The following AWAT2 variants were observed in gnomAD, a reference collection of about 807,000 sequenced individuals.
AWAT2 encodes the protein acyl-CoA wax alcohol acyltransferase 2.
A neutral mutation model predicts 22.3 loss-of-function variants in AWAT2; 9 were observed. The observed-to-expected ratio is 0.40, with a 90% CI of 0.24 to 0.70. The LOEUF is 0.70. Among genes scored for constraint, AWAT2 ranks in the 30% least tolerant of loss-of-function variants. The pLI is 0.36. For missense variants in AWAT2, 217 were observed against 265.9 expected (o/e 0.82, Z 1.28); for synonymous variants, 100 against 93.4 (o/e 1.07, Z -0.40).
intron 2 of AWAT2, 104 bp downstream of exon 2, chrX:70,044,248 G>T: frequency 1.8e-6 from 2 of 1,140,779 alleles, no homozygotes; most frequent in Non-Finnish European, 2.3e-6. Context: ...GGAGGGACAG[G>T]CTAAAGGGCT....
intron 4 of AWAT2, 27 bp downstream of exon 4, chrX:70,043,451 G>A: frequency 8.5e-7 from 1 of 1,174,754 alleles, no homozygotes; most frequent in Non-Finnish European, 1.1e-6. Context: ...TTTTTTCTTT[G>A]GCTTTGTGTC....
intron 1 of AWAT2, among the ~76,000 whole-genome samples, chrX:70,044,853 C>T (rs1182338805): frequency 8.9e-6 from 1 of 112,649 alleles, no homozygotes; most frequent in Non-Finnish European, 1.9e-5. Flanking sequence ...ACGTCCTCCT[C>T]TCCAAATCTT....
chrX:70,042,063 C>T, intron 6 of AWAT2, 101 bp from the exon 7 acceptor site: 1 of 1,095,707 alleles, frequency 9.1e-7, no homozygotes, highest in Non-Finnish European at 1.2e-6. Context: ...CCATCCTCAC[C>T]TCAAAAAGCT....
intron 1 of AWAT2, among the ~76,000 whole-genome samples, chrX:70,048,179 A>G (rs1442857711): frequency 1.8e-5 from 2 of 110,238 alleles, no homozygotes; most frequent in African/African-American, 6.6e-5. Context: ...TTCCACTTCT[A>G]TCTTCCTATA....
chrX:70,044,984 G>A (rs1343398315), intron 1 of AWAT2, among the ~76,000 whole-genome samples: 1 of 112,614 alleles, frequency 8.9e-6, no homozygotes, highest in African/African-American at 3.2e-5. Flanking sequence ...AAGGTACTGG[G>A]CTGTATTAAG....
chrX:70,045,216 G>A (rs1192445497), intron 1 of AWAT2, among the ~76,000 whole-genome samples: 1 of 112,404 alleles, frequency 8.9e-6, no homozygotes, highest in Non-Finnish European at 1.9e-5. Flanking sequence ...CTTCTTGCTG[G>A]AGCTCCATGA....
Position 70,044,438 on chromosome X carries a change from A to G in AWAT2, c.110T>C (p.Leu37Pro). 1.7e-6 allele frequency: 2 copies of G among 1,211,714 alleles called. No individual in the cohort carries two copies. Among genetic ancestry groups the G allele is most frequent in the Non-Finnish European group, 2.2e-6 (2 of 895,430 alleles). ...LITTTVIAVNLYLVVFTPYWP... is the reference protein window; with the variant it reads ...LITTTVIAVNPYLVVFTPYWP... ...GTATGGTGTGAACACCACCAGGTAGAGGTTGACAGCAATCACAGTGGTTGC... is the reference window on the plus strand; with the variant it reads ...GTATGGTGTGAACACCACCAGGTAGGGGTTGACAGCAATCACAGTGGTTGC... The change falls in exon 2 of 8, where the codon CTC becomes CCC. Residue 37 changes from leucine to proline, a missense_variant. Transcript: ENST00000276101.
Position 70,041,766 on chromosome X carries a change from T to C in AWAT2, c.*35+7A>G. 2.5e-6 allele frequency: 3 copies of C among 1,195,728 alleles called. No homozygotes were observed. The highest frequency in any genetic ancestry group is 1.1e-6 in the Non-Finnish European group (1 of 884,742). ...TGTCCTCCTGTTCTCACTGGGTCCA[T>C]CCATACCTTCCAGCCAGGGTGAAGG... is the stretch of plus-strand genomic sequence containing the variant. On this transcript the variant is annotated splice_region_variant and intron_variant, in intron 7 of 7. Transcript: ENST00000276101.
intron 1 of AWAT2, 94 bp downstream of exon 1, chrX:70,049,754 C>T (rs770439246): frequency 6.6e-6 from 7 of 1,057,554 alleles, no homozygotes; most frequent in Non-Finnish European, 7.8e-6. Flanking sequence ...TGGAACAACC[C>T]TAGTTTGACC....
intron 1 of AWAT2, among the ~76,000 whole-genome samples, chrX:70,047,708 G>A (rs974336142): frequency 1.8e-5 from 2 of 112,104 alleles, no homozygotes; most frequent in Non-Finnish European, 1.9e-5. Context: ...TGCACTCCTA[G>A]AGTGAAGAGC....
chrX:70,043,723 A>G (rs750258429), intron 3 of AWAT2, 41 bp from the exon 4 acceptor site: 1 of 1,128,287 alleles, frequency 8.9e-7, no homozygotes, highest in South Asian at 2.0e-5. Context: ...TTCCCAGGGT[A>G]GAGAACTTCT....
rs1367158241 is a variant in AWAT2, at chrX:70,040,956, A to G, written c.*702T>C. On this transcript the variant is annotated 3_prime_UTR_variant, in exon 8 of 8. Transcript: ENST00000276101. ...TGACTCTCAAACAAAGGCCAGAATT[A>G]TAGGGCCACACAAGTATAGGCAAGT... The G allele has an allele frequency of 8.9e-6, 1 of 112,283 alleles. No individual in the cohort carries two copies. Among genetic ancestry groups the G allele is most frequent in the Non-Finnish European group, 1.9e-5 (1 of 53,252 alleles). The allele number at this position is 112,283 out of a possible 1,213,427, so 9.3% of individuals were successfully genotyped here. A position where few individuals can be genotyped will look rare whatever the true frequency, so the allele number is the denominator to read the frequency against.
chrX:70,042,404 A>G lies in AWAT2; in HGVS notation c.648-18T>C. 3 of 1,200,973 alleles carry G rather than the reference A, an allele frequency of 2.5e-6. 1 individual carries two copies. In the South Asian group the frequency reaches 5.3e-5, roughly 21 times the overall value. On this transcript the variant is annotated intron_variant, in intron 5 of 7. Transcript: ENST00000276101. ...GAGGCACCCTGCAGAGCAAAAGCAT[A>G]TCTTCTGAAGCCCAGAAAGGTAGGG...
rs1317390278 is a variant in AWAT2, at chrX:70,040,750, A to G, written c.*908T>C. 2 of 112,200 alleles carry G rather than the reference A, an allele frequency of 1.8e-5. No homozygotes were observed. The highest frequency in any genetic ancestry group is 6.5e-5 in the African/African-American group (2 of 30,839). 9.2% of individuals were successfully genotyped at this position (112,200 alleles called of 1,213,427 possible). A position where few individuals can be genotyped will look rare whatever the true frequency, so the allele number is the denominator to read the frequency against. On this transcript the variant is annotated 3_prime_UTR_variant, in exon 8 of 8. Transcript: ENST00000276101. ...AAATTGACCAACGTAATGCAGGTAA[A>G]TCACTGGACCAAATGGCACCCACCC...
rs1450607032 is a variant in AWAT2, at chrX:70,040,752, CA to C, written c.*905del. On this transcript the variant is annotated 3_prime_UTR_variant, in exon 8 of 8. Coordinates refer to ENST00000276101, the MANE Select transcript of AWAT2 (RefSeq NM_001002254.1). ...ATTGACCAACGTAATGCAGGTAAAT[CA>C]CTGGACCAAATGGCACCCACCCAAG... 1.8e-5 allele frequency: 2 copies of C among 112,068 alleles called. No homozygotes were observed. The highest frequency in any genetic ancestry group is 3.2e-5 in the African/African-American group (1 of 30,807). 9.2% of individuals were successfully genotyped at this position (112,068 alleles called of 1,213,427 possible).
In AWAT2 at chrX:70,044,414, T is replaced by A. The variant is rs773048241; in HGVS notation, c.134A>T (p.Tyr45Phe). The A allele has an allele frequency of 8.3e-7, 1 of 1,211,901 alleles. No homozygotes were observed. Among genetic ancestry groups the A allele is most frequent in the Non-Finnish European group, 1.1e-6 (1 of 895,510 alleles). ...AAGAATAAGCACAGTGACAGGCCAGTATGGTGTGAACACCACCAGGTAGAG... is the reference window on the plus strand; with the variant it reads ...AAGAATAAGCACAGTGACAGGCCAGAATGGTGTGAACACCACCAGGTAGAG... Reference protein sequence around the residue: ...VNLYLVVFTPYWPVTVLILTW... With the variant: ...VNLYLVVFTPFWPVTVLILTW... Residue 45 changes from tyrosine (Y) to phenylalanine (F), a missense_variant, in exon 2 of 8, where the codon TAC becomes TTC. Physicochemically the swap from Tyr to Phe is conservative, Grantham distance 22. Coordinates refer to ENST00000276101, the MANE Select transcript of AWAT2 (RefSeq NM_001002254.1).
chrX:70,049,290 T>C (rs1014350624), intron 1 of AWAT2, among the ~76,000 whole-genome samples: 4 of 111,952 alleles, frequency 3.6e-5, no homozygotes, highest in Non-Finnish European at 5.6e-5. Flanking sequence ...CTTCCCACAG[T>C]GATGATTTGT....
In AWAT2 at chrX:70,042,176, C is replaced by T. The variant is rs373537022; in HGVS notation, c.847+11G>A. On this transcript the variant is annotated intron_variant, in intron 6 of 7. Coordinates refer to ENST00000276101, the MANE Select transcript of AWAT2 (RefSeq NM_001002254.1). ...CCTAGACTCAGGCTGCCAGCAGAAACGCCCACTCACCGATGGTGGTTACAG... is the reference window on the plus strand; with the variant it reads ...CCTAGACTCAGGCTGCCAGCAGAAATGCCCACTCACCGATGGTGGTTACAG... 1.3e-4 allele frequency: 155 copies of T among 1,194,289 alleles called. No individual in the cohort carries two copies. The African/African-American group carries it at 2.1e-3, about 17-fold the overall frequency.
At chrX:70,043,841 C>G in intron 3 of AWAT2, 85 bp downstream of exon 3, 2 of 1,049,089 alleles carry the variant, frequency 1.9e-6, no homozygotes, top group Admixed American at 2.8e-5. Flanking sequence ...ATGTGGATGG[C>G]GCCCTCCACC....
Sources: allele counts gnomAD v4.1 joint callset (sites outside exome capture counted in the v4.1 genomes callset), GRCh38; gene constraint gnomAD v4.1.1; transcripts MANE v1.5; gene names NCBI Gene and HGNC (gene_info 2026-07-23, HGNC 2026-07-21).